ZNF14: variants seen among roughly 807,000 people sequenced by gnomAD.
ZNF14 encodes gonadotropin inducible transcription repressor-4.
ZNF14 carries 9 observed loss-of-function variants against 11.3 expected under a neutral mutation model. The observed-to-expected ratio is 0.80, with a 90% CI of 0.48 to 1.39. The LOEUF (loss-of-function observed/expected upper bound fraction) is 1.39. Ranked by LOEUF, ZNF14 falls within the 40% of genes most tolerant of loss-of-function variation. ZNF14 has a pLI of 0.00. For missense variants in ZNF14, 711 were observed against 763.9 expected, an observed-to-expected ratio of 0.93 and a Z score of 0.82; for synonymous variants, 239 against 245.7, an observed-to-expected ratio of 0.97 and a Z score of 0.25.
chr19:19,720,285 C>T lies in ZNF14; in HGVS notation c.4-5798G>A, dbSNP rs1404696515. ...GCAATAGCAGGATATACATTCTTCT[C>T]AAGTTCACATGGAACATTCACCAAG... On this transcript the variant is annotated intron_variant, in intron 1 of 3. Transcript: ENST00000344099. This position sits in a 1 kb window ranked among gnomAD's most constrained non-coding sequence, Gnocchi z 4.1. Among the ~76,000 whole-genome samples, 1 of 151,862 alleles carries T rather than the reference C, an allele frequency of 6.6e-6. No individual in the cohort carries two copies. The highest frequency in any genetic ancestry group is 2.4e-5 in the African/African-American group (1 of 41,374).
At position 19,726,010 on chromosome 19, in the gene ZNF14, C is replaced by A. The variant is rs184716338; in HGVS notation, c.3+6946G>T. Among the ~76,000 whole-genome samples, 2 of 133,962 alleles carry A rather than the reference C, an allele frequency of 1.5e-5. 1 individual carries two copies. Among genetic ancestry groups the A allele is most frequent in the African/African-American group, 5.5e-5 (2 of 36,268 alleles). The allele number at this position is 133,962 out of a possible 152,430, so 87.9% of individuals were successfully genotyped here. ...TTTTTCAAGGTTTTTAGCTTCTTTG[C>A]GATGGGTCTGAACATCCTCCTTTAG... On this transcript the variant is annotated intron_variant, in intron 1 of 3. Transcript: ENST00000344099.
In ZNF14 at chr19:19,712,300, T is replaced by C; in HGVS notation, c.981A>G (p.Ile327Met). The C allele has an allele frequency of 1.2e-6, 2 of 1,614,014 alleles. No individual in the cohort carries two copies. The highest frequency in any genetic ancestry group is 1.7e-6 in the Non-Finnish European group (2 of 1,180,000). The change falls in exon 4 of 4, where the codon ATA (isoleucine) becomes ATG (methionine). Residue 327 changes from isoleucine (I) to methionine (M), a missense_variant. Physicochemically the swap from Ile to Met is conservative, Grantham distance 10. Coordinates refer to ENST00000344099, the MANE Select transcript of ZNF14 (RefSeq NM_021030.3). ...FYSASFRAHV[I>M]IHTGARPYKC... ...TATAAGGTCGAGCCCCAGTGTGTAT[T>C]ATTACATGTGCTCGAAAGCTTGCAG... is the stretch of plus-strand genomic sequence containing the variant.
intron 1 of ZNF14, among the ~76,000 whole-genome samples, chr19:19,730,185 G>A (rs557852786): frequency 1.3e-5 from 2 of 151,972 alleles, no homozygotes; most frequent in South Asian, 2.1e-4. Flanking sequence ...CACCAGGCTC[G>A]GCTAATTTTT....
chr19:19,726,083 A>T (rs575374351), intron 1 of ZNF14, among the ~76,000 whole-genome samples: 1 of 134,346 alleles, frequency 7.4e-6, no homozygotes, highest in Middle Eastern at 4.3e-3. Context: ...TCTTCTCTCA[A>T]CTCATCAAAG....
chr19:19,715,438 T>C (rs946759502), intron 1 of ZNF14, among the ~76,000 whole-genome samples: 1 of 152,186 alleles, frequency 6.6e-6, no homozygotes, highest in Non-Finnish European at 1.5e-5. Flanking sequence ...ACCCACCCAG[T>C]TGGATTAACA....
rs2062429010 is a variant in ZNF14 at position 19,733,081 on chromosome 19, TC to T, written c.-124del. 2 of 1,292,386 alleles carry T rather than the reference TC, an allele frequency of 1.5e-6. No individual in the cohort carries two copies. Among genetic ancestry groups the T allele is most frequent in the African/African-American group, 3.0e-5 (2 of 67,630 alleles). 80.1% of individuals were successfully genotyped at this position (1,292,386 alleles called of 1,614,324 possible). ...TTCAGGAGCAGGTGAAACGCAATCTTCCCATGGGCCAGGAATGGCGACGTCC... is the reference window on the plus strand; with the variant it reads ...TTCAGGAGCAGGTGAAACGCAATCTTCCATGGGCCAGGAATGGCGACGTCC... On this transcript the variant is annotated 5_prime_UTR_variant, in exon 1 of 4. An upstream open reading frame in the 5' UTR loses its in-frame stop. Transcript: ENST00000344099.
In ZNF14 at chr19:19,711,876, G is replaced by A. The variant is rs2062361690; in HGVS notation, c.1405C>T (p.His469Tyr). Residue 469 changes from histidine to tyrosine, a missense_variant, in exon 4 of 4, where the codon CAC becomes TAC. Coordinates refer to ENST00000344099, the MANE Select transcript of ZNF14 (RefSeq NM_021030.3). ...CATTCATAGGGTTTCTCTCCAGTGT[G>A]TGACCTTTCATGAATTCGAAAATAA... ...SSYFRIHERSHTGEKPYECKQ... is the reference protein window; with the variant it reads ...SSYFRIHERSYTGEKPYECKQ... 2 of 1,614,070 alleles carry A rather than the reference G, an allele frequency of 1.2e-6. No homozygotes were observed.
Position 19,720,110 on chromosome 19 carries a change from T to C in ZNF14, c.4-5623A>G, listed in dbSNP as rs1440176418. ...AAACTGATGGAACGGCAGGGAGAAC[T>C]GCATGGAGCCATGAAGTATAGCTGG... On this transcript the variant is annotated intron_variant, in intron 1 of 3. Transcript: ENST00000344099. This position sits in a 1 kb window ranked among gnomAD's most constrained non-coding sequence, Gnocchi z 4.1. 6.6e-6 allele frequency among the ~76,000 whole-genome samples: 1 copy of C among 152,136 alleles called. No homozygotes were observed. Among genetic ancestry groups the C allele is most frequent in the African/African-American group, 2.4e-5 (1 of 41,440 alleles).
intron 3 of ZNF14, 32 bp downstream of exon 3, chr19:19,714,059 C>T (rs373595868): frequency 2.3e-5 from 37 of 1,598,732 alleles, no homozygotes; most frequent in African/African-American, 1.2e-4. Context: ...AATTCCCCCA[C>T]GGGCCACTAT....
intron 1 of ZNF14, among the ~76,000 whole-genome samples, chr19:19,715,777 A>G (rs1289936679): frequency 1.3e-5 from 2 of 152,176 alleles, no homozygotes; most frequent in African/African-American, 2.4e-5. Flanking sequence ...CTCAGGGGGA[A>G]CTGGTTTTTC....
chr19:19,711,911 C>G lies in ZNF14; in HGVS notation c.1370G>C (p.Arg457Thr), dbSNP rs1568448027. The change falls in exon 4 of 4, where the codon AGG becomes ACG. Residue 457 changes from arginine to threonine, a missense_variant. Transcript: ENST00000344099. ...ATGAATTCGAAAATAACTTGAACAC[C>G]TGAAGGCTTTCCCACACTGTTTACA... Reference protein sequence around the residue: ...YECKQCGKAFRCSSYFRIHER... With the variant: ...YECKQCGKAFTCSSYFRIHER... 6.2e-7 allele frequency: 1 copy of G among 1,613,898 alleles called. No individual in the cohort carries two copies. Among genetic ancestry groups the G allele is most frequent in the Middle Eastern group, 1.7e-4 (1 of 6,060 alleles).
At position 19,712,785 on chromosome 19, in the gene ZNF14, C is replaced by T. The variant is rs1387249930; in HGVS notation, c.496G>A (p.Val166Met). ...CACTGTTTACATTCATAGGGCTTCA[C>T]TCCAGTGTGAGTTCTTTCATGTTTG... ...FRKHERTHTGVKPYECKQCGK... is the reference protein window; with the variant it reads ...FRKHERTHTGMKPYECKQCGK... Residue 166 changes from valine to methionine, a missense_variant, in exon 4 of 4, where the codon GTG becomes ATG. Transcript: ENST00000344099. The T allele has an allele frequency of 1.2e-6, 2 of 1,614,174 alleles. No individual in the cohort carries two copies. Among genetic ancestry groups the T allele is most frequent in the Non-Finnish European group, 8.5e-7 (1 of 1,180,026 alleles).
Position 19,726,268 on chromosome 19 carries a change from T to C in ZNF14, c.3+6688A>G, listed in dbSNP as rs934826495. ...TGGTGACGTACAAATGGGGTTTTGG[T>C]GTGGATGTCCTTTCTGTTTGTTAGT... On this transcript the variant is annotated intron_variant, in intron 1 of 3. Coordinates refer to ENST00000344099, the MANE Select transcript of ZNF14 (RefSeq NM_021030.3). 1.0e-4 allele frequency among the ~76,000 whole-genome samples: 14 copies of C among 134,578 alleles called. 2 individuals carry two copies. The highest frequency in any genetic ancestry group is 1.7e-4 in the Non-Finnish European group (10 of 60,354). 88.3% of individuals were successfully genotyped at this position (134,578 alleles called of 152,430 possible).
intron 1 of ZNF14, among the ~76,000 whole-genome samples, chr19:19,731,959 T>C (rs1005637434): frequency 6.6e-6 from 1 of 151,908 alleles, no homozygotes; most frequent in Non-Finnish European, 1.5e-5. Flanking sequence ...TCCCAGCTAC[T>C]GGGAAGGCTG....
At position 19,712,205 on chromosome 19, in the gene ZNF14, C is replaced by T. The variant is rs753293582; in HGVS notation, c.1076G>A (p.Gly359Glu). The change falls in exon 4 of 4, where the codon GGA becomes GAA. Residue 359 changes from glycine to glutamate, a missense_variant. Transcript: ENST00000344099. Reference protein sequence around the residue: ...SCRVHERTHIGEKPYECKRCG... With the variant: ...SCRVHERTHIEEKPYECKRCG... ...TCGTTTACATTCATATGGTTTTTCT[C>T]CAATATGAGTTCTTTCATGCACTCG... The T allele has an allele frequency of 1.2e-5, 19 of 1,613,940 alleles. No individual in the cohort carries two copies. The East Asian group carries it at 4.2e-4, about 36-fold the overall frequency.
intron 1 of ZNF14, among the ~76,000 whole-genome samples, chr19:19,729,461 G>A (rs562302002): frequency 7.9e-4 from 119 of 151,454 alleles, no homozygotes; most frequent in African/African-American, 2.6e-3. Context: ...AATTATAGGC[G>A]CCAGCCCCCA....
intron 1 of ZNF14, among the ~76,000 whole-genome samples, chr19:19,727,293 G>C (rs2062409055): frequency 7.5e-6 from 1 of 133,754 alleles, no homozygotes; most frequent in Admixed American, 7.3e-5. Context: ...TAAAACATAG[G>C]ATTGACACAA....
Position 19,711,081 on chromosome 19 carries a change from T to C in ZNF14, c.*271A>G. 1 of 354,560 alleles carries C rather than the reference T, an allele frequency of 2.8e-6. No individual in the cohort carries two copies. Among genetic ancestry groups the C allele is most frequent in the Non-Finnish European group, 5.0e-6 (1 of 200,502 alleles). The allele number at this position is 354,560 out of a possible 1,614,324, so 22.0% of individuals were successfully genotyped here. ...CATGAGCCAACAAGCTTGGCCTTTT[T>C]TAAAAAAACAAAAAACAAAAAACAA... is the stretch of plus-strand genomic sequence containing the variant. On this transcript the variant is annotated 3_prime_UTR_variant, in exon 4 of 4. Coordinates refer to ENST00000344099, the MANE Select transcript of ZNF14 (RefSeq NM_021030.3).
chr19:19,714,971 A>G (rs969595765), intron 1 of ZNF14, among the ~76,000 whole-genome samples: 4 of 151,972 alleles, frequency 2.6e-5, no homozygotes, highest in African/African-American at 9.7e-5. Flanking sequence ...CGGCCTCCCA[A>G]AGTGCTAGGA....
Sources: gnomAD v4.1 joint callset for allele counts (sites outside exome capture counted in the v4.1 genomes callset) on GRCh38, gnomAD v4.1.1 for gene constraint, Gnocchi (gnomAD v3.1) non-coding constraint, MANE v1.5 for transcripts, NCBI Gene and HGNC (gene_info 2026-07-23, HGNC 2026-07-21) for gene names.